The following NCOR1 variants were observed in gnomAD, a reference collection of about 807,000 sequenced individuals.
NCOR1 encodes protein phosphatase 1, regulatory subunit 109.
A neutral mutation model predicts 288.1 loss-of-function variants in NCOR1; 63 were observed. The ratio of observed to expected loss-of-function variants is 0.22; its 90% confidence interval spans 0.18 to 0.27. The LOEUF (loss-of-function observed/expected upper bound fraction) is 0.27. NCOR1 is among the 10% of genes least tolerant of loss of function. The probability of loss-of-function intolerance (pLI) is 1.00; values close to 1 mark genes in which losing one functional copy is unlikely to be tolerated. For missense variants in NCOR1, 2,397 were observed against 3,019.2 expected, an observed-to-expected ratio of 0.79 and a Z score of 4.83; for synonymous variants, 1,007 against 1,065.9, an observed-to-expected ratio of 0.94 and a Z score of 1.08.
chr17:16,188,156 A>G (rs1372688372), intron 2 of NCOR1, among the ~76,000 whole-genome samples: 1 of 152,158 alleles, frequency 6.6e-6, no homozygotes, highest in African/African-American at 2.4e-5. Context: ...GTGTCAACAA[A>G]AAGTTTTAAA....
intron 21 of NCOR1, among the ~76,000 whole-genome samples, chr17:16,097,448 G>A (rs560232394): frequency 2.0e-5 from 3 of 152,260 alleles, no homozygotes; most frequent in East Asian, 1.9e-4. Flanking sequence ...GAGAGGAGAG[G>A]GGCTAAAGGT....
At chr17:16,040,155 C>A (rs1399198927) in intron 43 of NCOR1, 1 of 547,756 alleles carries the variant, frequency 1.8e-6, no homozygotes, top group Admixed American at 2.2e-5. Flanking sequence ...ATCAGTCACC[C>A]ACACTTCTAT....
intron 19 of NCOR1, among the ~76,000 whole-genome samples, chr17:16,107,746 G>A (rs1363839699): frequency 1.3e-5 from 2 of 152,094 alleles, no homozygotes; most frequent in African/African-American, 2.4e-5. Context: ...CCTGTTTGCA[G>A]CACTCTTACC....
chr17:16,134,805 T>C (rs996058159), intron 14 of NCOR1, among the ~76,000 whole-genome samples: 1 of 152,204 alleles, frequency 6.6e-6, no homozygotes, highest in African/African-American at 2.4e-5. Flanking sequence ...CAGTAACATA[T>C]ATAATTTCTA....
chr17:16,153,336 T>C lies in NCOR1; in HGVS notation c.789+3A>G. 1 of 1,578,924 alleles carries C rather than the reference T, an allele frequency of 6.3e-7. No homozygotes were observed. The highest frequency in any genetic ancestry group is 8.6e-7 in the Non-Finnish European group (1 of 1,162,218). On this transcript the variant is annotated splice_donor_region_variant and intron_variant, in intron 7 of 45. Coordinates refer to ENST00000268712, the MANE Select transcript of NCOR1 (RefSeq NM_006311.4). ...ATCACTGGAAATGAAAAAATTTACT[T>C]ACCAGTTCAACTTTTGGGCCAAGAC...
intron 1 of NCOR1, among the ~76,000 whole-genome samples, chr17:16,204,786 T>C (rs373076810): frequency 6.6e-6 from 1 of 152,232 alleles, no homozygotes; most frequent in Non-Finnish European, 1.5e-5. Flanking sequence ...ATTATCTCCA[T>C]TTTACAAATA....
At chr17:16,138,313 GGT>G (rs1282419069) in intron 12 of NCOR1, 101 bp from the exon 13 acceptor site, 10 of 1,004,726 alleles carry the variant, frequency 1.0e-5, no homozygotes, top group Admixed American at 2.5e-5. Context: ...GGCTGGGCGT[GGT>G]GGCTCATGCC....
intron 44 of NCOR1, among the ~76,000 whole-genome samples, chr17:16,037,691 G>A (rs1308632618): frequency 6.6e-6 from 1 of 152,138 alleles, no homozygotes; most frequent in African/African-American, 2.4e-5. Context: ...AATATGTAAA[G>A]GAAAAACTGC....
intron 11 of NCOR1, 21 bp from the exon 12 acceptor site, chr17:16,139,207 A>C: frequency 6.2e-7 from 1 of 1,601,720 alleles, no homozygotes; most frequent in Non-Finnish European, 8.5e-7. Context: ...AATACAATTT[A>C]CTTAGAATAA....
chr17:16,194,176 A>AT (rs1227860121), intron 2 of NCOR1, among the ~76,000 whole-genome samples: 1 of 152,166 alleles, frequency 6.6e-6, no homozygotes, highest in Non-Finnish European at 1.5e-5. Flanking sequence ...GAGTATAAAT[A>AT]TAGGTCTTAC....
chr17:16,112,789 A>G (rs1447812363), intron 18 of NCOR1, among the ~76,000 whole-genome samples: 1 of 152,184 alleles, frequency 6.6e-6, no homozygotes, highest in African/African-American at 2.4e-5. Flanking sequence ...GCACCTGGCC[A>G]AAGAGCTTTT....
Position 16,211,718 on chromosome 17 carries a change from G to A in NCOR1, c.-71+3644C>T, listed in dbSNP as rs867163243. On this transcript the variant is annotated intron_variant, in intron 1 of 45. Coordinates refer to ENST00000268712, the MANE Select transcript of NCOR1 (RefSeq NM_006311.4). ...TAGGTTGTATCTGAAGACTATTCTAGTAATATTTTGACCACACAAGCTACT... is the reference window on the plus strand; with the variant it reads ...TAGGTTGTATCTGAAGACTATTCTAATAATATTTTGACCACACAAGCTACT... 3.9e-5 allele frequency among the ~76,000 whole-genome samples: 6 copies of A among 151,948 alleles called. No individual in the cohort carries two copies. In the South Asian group the frequency reaches 6.2e-4, roughly 16 times the overall value.
At chr17:16,185,368 C>T (rs1031083981) in intron 3 of NCOR1, among the ~76,000 whole-genome samples, 8 of 151,926 alleles carry the variant, frequency 5.3e-5, no homozygotes, top group East Asian at 3.9e-4. Context: ...ATGTTGTATG[C>T]CTTAAATACA....
rs748310940 is a variant in NCOR1, at chr17:16,064,209, C to T, written c.5102-22G>A. ...TGTCCTGTAAAACATAAACCTGCAG[C>T]TTAAAGATAAAAATATCAACTGACT... is the stretch of plus-strand genomic sequence containing the variant. On this transcript the variant is annotated intron_variant, in intron 34 of 45. Transcript: ENST00000268712. 5.0e-6 allele frequency: 8 copies of T among 1,599,988 alleles called. No individual in the cohort carries two copies. The South Asian group carries it at 9.0e-5, about 18-fold the overall frequency.
intron 44 of NCOR1, among the ~76,000 whole-genome samples, chr17:16,035,199 C>T (rs1974019159): frequency 1.3e-5 from 2 of 152,122 alleles, no homozygotes; most frequent in South Asian, 4.1e-4. Flanking sequence ...TGGCGGTTGC[C>T]AAAGGCTGGG....
intron 18 of NCOR1, among the ~76,000 whole-genome samples, chr17:16,112,578 C>T (rs2070522238): frequency 6.6e-6 from 1 of 152,148 alleles, no homozygotes; most frequent in Non-Finnish European, 1.5e-5. Context: ...TCACTGCAAC[C>T]TCCGCCTCCC....
intron 22 of NCOR1, chr17:16,087,060 A>C (rs1179214478): frequency 1.3e-6 from 1 of 778,416 alleles, no homozygotes; most frequent in Non-Finnish European, 1.8e-6. Context: ...AGTCATTCTG[A>C]AACAGCAAGG....
intron 14 of NCOR1, among the ~76,000 whole-genome samples, chr17:16,127,578 CAT>C (rs1491326432): frequency 5.3e-5 from 7 of 132,854 alleles, no homozygotes; most frequent in African/African-American, 1.2e-4. Context: ...TGTATATATA[CAT>C]ATGTGTATAT....
chr17:16,050,562 G>C (rs889351541), intron 40 of NCOR1, among the ~76,000 whole-genome samples: 1 of 152,212 alleles, frequency 6.6e-6, no homozygotes, highest in Non-Finnish European at 1.5e-5. Flanking sequence ...GCATATGAAA[G>C]CCACCTGTGA....
Sources: allele counts gnomAD v4.1 joint callset (sites outside exome capture counted in the v4.1 genomes callset), GRCh38; gene constraint gnomAD v4.1.1; transcripts MANE v1.5; gene names NCBI Gene and HGNC (gene_info 2026-07-23, HGNC 2026-07-21).